The following PCDHGA11 variants were observed in gnomAD, a reference collection of about 807,000 sequenced individuals.
PCDHGA11 encodes the protein protocadherin gamma subfamily A, 11.
PCDHGA11 carries 39 observed loss-of-function variants against 60.4 expected under a neutral mutation model. That is an observed-to-expected ratio of 0.65 (90% CI 0.50 to 0.84). The LOEUF (loss-of-function observed/expected upper bound fraction) is 0.84. Among genes scored for constraint, PCDHGA11 ranks in the 40% least tolerant of loss-of-function variants. The pLI, the probability that PCDHGA11 is intolerant of heterozygous loss-of-function variation, is 0.00. For synonymous variants in PCDHGA11, 533 were observed against 510.3 expected, an observed-to-expected ratio of 1.04 and a Z score of -0.60; for missense variants, 1,165 against 1,197.7, an observed-to-expected ratio of 0.97 and a Z score of 0.40.
At position 141,444,152 on chromosome 5, in the gene PCDHGA11, A is replaced by ATTTTTTTTTTT. The variant is rs747671382; in HGVS notation, c.2433+20518_2433+20528dup. 8.9e-5 allele frequency among the ~76,000 whole-genome samples: 3 copies of ATTTTTTTTTTT among 33,898 alleles called. 1 individual carries two copies. Among genetic ancestry groups the ATTTTTTTTTTT allele is most frequent in the African/African-American group, 4.2e-4 (3 of 7,184 alleles). 22.2% of individuals were successfully genotyped at this position (33,898 alleles called of 152,430 possible). On this transcript the variant is annotated intron_variant, in intron 1 of 3. Transcript: ENST00000398587. Reference sequence around the variant, plus strand: ...GATATGTGTCACTTGTGTGTACTGGATTTTTTTTTTTTTTTTTTTTTTTTT... The same window carrying ATTTTTTTTTTT: ...GATATGTGTCACTTGTGTGTACTGGATTTTTTTTTTTTTTTTTTTTTTTTTTTTTTTTTTTT...
At chr5:141,474,912 C>T (rs1018411233) in intron 1 of PCDHGA11, among the ~76,000 whole-genome samples, 6 of 152,214 alleles carry the variant, frequency 3.9e-5, no homozygotes, top group African/African-American at 1.2e-4. Flanking sequence ...CAAGGATATA[C>T]ATCTCATCTC....
At chr5:141,457,933 TATTGGC>T (rs2098933012) in intron 1 of PCDHGA11, among the ~76,000 whole-genome samples, 2 of 152,206 alleles carry the variant, frequency 1.3e-5, no homozygotes, top group Non-Finnish European at 2.9e-5. Context: ...AAGGGGCTTT[TATTGGC>T]TCTGCATGTC....
chr5:141,503,164 C>G (rs1262310388), intron 2 of PCDHGA11, among the ~76,000 whole-genome samples: 2 of 152,068 alleles, frequency 1.3e-5, no homozygotes, highest in East Asian at 3.9e-4. Flanking sequence ...ATCACAATTG[C>G]AATTACTCTA....
At chr5:141,438,720 G>A (rs1393152221) in intron 1 of PCDHGA11, among the ~76,000 whole-genome samples, 1 of 147,892 alleles carries the variant, frequency 6.8e-6, no homozygotes, top group Non-Finnish European at 1.5e-5. Flanking sequence ...GAGTGCAAGT[G>A]GTGTGATCTC....
intron 2 of PCDHGA11, among the ~76,000 whole-genome samples, chr5:141,495,685 T>TA (rs758775501): frequency 1.3e-5 from 2 of 152,210 alleles, no homozygotes; most frequent in African/African-American, 2.4e-5. Context: ...TGCCATGGCA[T>TA]AAGTGCTCAA....
intron 3 of PCDHGA11, among the ~76,000 whole-genome samples, chr5:141,507,590 T>C (rs531629336): frequency 1.3e-5 from 2 of 152,374 alleles, no homozygotes; most frequent in African/African-American, 4.8e-5. Context: ...AGTTGGCCTC[T>C]TGAGGGAAAT....
Position 141,490,447 on chromosome 5 carries a change from C to A in PCDHGA11, c.2434-4360C>A, listed in dbSNP as rs1273424450. 1.2e-6 allele frequency: 2 copies of A among 1,614,196 alleles called. No homozygotes were observed. The highest frequency in any genetic ancestry group is 1.7e-5 in the Admixed American group (1 of 60,030). Reference sequence around the variant, plus strand: ...ATTTCAGATTAAGCCTTCTGAGAACCACTACTCGCTGCTAACCAGCCAGCC... The same window carrying A: ...ATTTCAGATTAAGCCTTCTGAGAACAACTACTCGCTGCTAACCAGCCAGCC... On this transcript the variant is annotated intron_variant, in intron 1 of 3. Coordinates refer to ENST00000398587, the MANE Select transcript of PCDHGA11 (RefSeq NM_018914.3). This position sits in a 1 kb window ranked among gnomAD's most constrained non-coding sequence, Gnocchi z 5.4.
chr5:141,459,404 G>C (rs2098967432), intron 1 of PCDHGA11, among the ~76,000 whole-genome samples: 1 of 152,182 alleles, frequency 6.6e-6, no homozygotes, highest in Non-Finnish European at 1.5e-5. Flanking sequence ...GAGCAGTATT[G>C]CATTGTGTGG....
Position 141,485,757 on chromosome 5 carries a change from T to A in PCDHGA11, c.2434-9050T>A. The A allele has an allele frequency of 6.2e-7, 1 of 1,614,174 alleles. No homozygotes were observed. The highest frequency in any genetic ancestry group is 8.5e-7 in the Non-Finnish European group (1 of 1,180,028). The stretch of plus-strand genomic sequence containing the variant: ...GACGGCAGCCTGGTCCCAGAGCTGC[T>A]CCTGGAGAAGCCTTTGGATCGAGAG... On this transcript the variant is annotated intron_variant, in intron 1 of 3. Transcript: ENST00000398587. The surrounding 1 kb of genome is among the most constrained non-coding windows in gnomAD (Gnocchi z 5.7).
At chr5:141,453,083 A>G (rs1404530649) in intron 1 of PCDHGA11, among the ~76,000 whole-genome samples, 1 of 152,044 alleles carries the variant, frequency 6.6e-6, no homozygotes, top group African/African-American at 2.4e-5. Flanking sequence ...CTGGTTGATT[A>G]GTATATTTTC....
chr5:141,464,896 G>C (rs1166142533), intron 1 of PCDHGA11, among the ~76,000 whole-genome samples: 2 of 151,554 alleles, frequency 1.3e-5, no homozygotes, highest in African/African-American at 4.8e-5. Context: ...ATGCCACCAT[G>C]TCCAGCTAAT....
chr5:141,510,804 T>C (rs965530116), intron 3 of PCDHGA11, 143 bp from the exon 4 acceptor site: 2 of 1,504,768 alleles, frequency 1.3e-6, no homozygotes, highest in Admixed American at 2.0e-5. Flanking sequence ...AGAGACTACC[T>C]TGGTGACCCC....
chr5:141,490,652 C>A lies in PCDHGA11; in HGVS notation c.2434-4155C>A. ...ATCCTAGAAAACCGGCCTCCGGGCT[C>A]CCTTCTTTGCACTGTGGCTGCCTCA... On this transcript the variant is annotated intron_variant, in intron 1 of 3. Transcript: ENST00000398587. The surrounding 1 kb of genome is among the most constrained non-coding windows in gnomAD (Gnocchi z 5.4). 6.2e-7 allele frequency: 1 copy of A among 1,614,208 alleles called. No individual in the cohort carries two copies. Among genetic ancestry groups the A allele is most frequent in the Non-Finnish European group, 8.5e-7 (1 of 1,180,026 alleles).
In PCDHGA11 at chr5:141,422,211, CTT is replaced by C. The variant is rs1339862278; in HGVS notation, c.986_987del (p.Phe329TyrfsTer14). The C allele has an allele frequency of 6.4e-7, 1 of 1,563,166 alleles. No individual in the cohort carries two copies. The highest frequency in any genetic ancestry group is 1.4e-5 in the African/African-American group (1 of 72,588). Reference protein sequence around the residue: ...EIQGQDGGGLFTTTTMLITVV... With the variant: ...EIQGQDGGGLXTTTTMLITVV... Reference sequence around the variant, plus strand: ...TTCAAGGCCAAGATGGTGGAGGTCTCTTTACCACCACGACGATGTTGATCACT... The same window carrying C: ...TTCAAGGCCAAGATGGTGGAGGTCTCTACCACCACGACGATGTTGATCACT... On this transcript the variant is annotated frameshift_variant, in exon 1 of 4. Coordinates refer to ENST00000398587, the MANE Select transcript of PCDHGA11 (RefSeq NM_018914.3). LOFTEE classifies it high-confidence loss of function.
chr5:141,511,400 T>A lies in PCDHGA11; in HGVS notation c.*227T>A, dbSNP rs1208021848. On this transcript the variant is annotated 3_prime_UTR_variant, in exon 4 of 4. Coordinates refer to ENST00000398587, the MANE Select transcript of PCDHGA11 (RefSeq NM_018914.3). ...AGTTCCGCTGGGAACCCCCATCCAA[T>A]CAACTGCTGTACCCATGGGGGTAGT... 1.1e-5 allele frequency: 11 copies of A among 982,132 alleles called. No individual in the cohort carries two copies. Among genetic ancestry groups the A allele is most frequent in the African/African-American group, 3.3e-5 (2 of 60,924 alleles). 60.8% of individuals were successfully genotyped at this position (982,132 alleles called of 1,614,324 possible).
At chr5:141,451,036 G>T (rs973806381) in intron 1 of PCDHGA11, among the ~76,000 whole-genome samples, 1 of 150,880 alleles carries the variant, frequency 6.6e-6, no homozygotes, top group Non-Finnish European at 1.5e-5. Flanking sequence ...CACCATATTG[G>T]CCAGGCTGGT....
At position 141,511,399 on chromosome 5, in the gene PCDHGA11, A is replaced by C; in HGVS notation, c.*226A>C. 1.0e-6 allele frequency: 1 copy of C among 987,714 alleles called. No homozygotes were observed. The highest frequency in any genetic ancestry group is 1.4e-6 in the Non-Finnish European group (1 of 693,342). The allele number at this position is 987,714 out of a possible 1,614,324, so 61.2% of individuals were successfully genotyped here. ...CAGTTCCGCTGGGAACCCCCATCCA[A>C]TCAACTGCTGTACCCATGGGGGTAG... On this transcript the variant is annotated 3_prime_UTR_variant, in exon 4 of 4. Transcript: ENST00000398587.
In PCDHGA11 at chr5:141,511,233, T is replaced by C. The variant is rs776405064; in HGVS notation, c.*60T>C. 5.0e-6 allele frequency: 8 copies of C among 1,595,310 alleles called. No homozygotes were observed. Among genetic ancestry groups the C allele is most frequent in the Non-Finnish European group, 6.8e-6 (8 of 1,170,902 alleles). On this transcript the variant is annotated 3_prime_UTR_variant, in exon 4 of 4. Transcript: ENST00000398587. ...CTCCCCAACCAGCCCAGCTTCTCCT[T>C]ACCTGCACCCAGGCCTCAGAGTTTC...
At position 141,491,514 on chromosome 5, in the gene PCDHGA11, G is replaced by A. The variant is rs753335815; in HGVS notation, c.2434-3293G>A. ...AGGTGAGCTCGGACGGCACGCTCAAGTACATGGAGGTGACGCTGCGGCCCA... is the reference window on the plus strand; with the variant it reads ...AGGTGAGCTCGGACGGCACGCTCAAATACATGGAGGTGACGCTGCGGCCCA... On this transcript the variant is annotated intron_variant, in intron 1 of 3. Coordinates refer to ENST00000398587, the MANE Select transcript of PCDHGA11 (RefSeq NM_018914.3). The surrounding 1 kb of genome is among the most constrained non-coding windows in gnomAD (Gnocchi z 6.9). 2 of 1,613,964 alleles carry A rather than the reference G, an allele frequency of 1.2e-6. No individual in the cohort carries two copies. Among genetic ancestry groups the A allele is most frequent in the East Asian group, 2.2e-5 (1 of 44,892 alleles).
Sources: gnomAD v4.1 joint callset for allele counts (sites outside exome capture counted in the v4.1 genomes callset) on GRCh38, gnomAD v4.1.1 for gene constraint, Gnocchi (gnomAD v3.1) non-coding constraint, MANE v1.5 for transcripts, NCBI Gene and HGNC (gene_info 2026-07-23, HGNC 2026-07-21) for gene names.